The following FAT1 variants were observed in gnomAD, a reference collection of about 807,000 sequenced individuals.
FAT1 encodes the protein FAT atypical cadherin 1.
Under a neutral mutation model 329.8 loss-of-function variants are expected in FAT1, and 171 were observed. The ratio of observed to expected loss-of-function variants is 0.52; its 90% CI spans 0.46 to 0.59. The LOEUF is 0.59. Among genes scored for constraint, FAT1 ranks in the 20% least tolerant of loss-of-function variants. The pLI is 0.00. For missense variants in FAT1, 5,672 were observed against 5,774.4 expected (o/e 0.98, Z 0.57); for synonymous variants, 2,233 against 2,228.6 (o/e 1.00, Z -0.06).
intron 11 of FAT1, 124 bp from the exon 12 acceptor site, chr4:186,614,468 A>G: frequency 1.5e-6 from 1 of 667,156 alleles, no homozygotes; most frequent in Non-Finnish European, 2.3e-6. Context: ...GACTAAAGAT[A>G]AAATCCCAAG....
chr4:186,663,598 G>C lies in FAT1; in HGVS notation c.3281C>G (p.Ser1094Ter), dbSNP rs1421582682. 1 of 1,608,104 alleles carries C rather than the reference G, an allele frequency of 6.2e-7. No homozygotes were observed. Among genetic ancestry groups the C allele is most frequent in the Non-Finnish European group, 8.5e-7 (1 of 1,179,458 alleles). The change falls in exon 3 of 27, where the codon TCA (serine) becomes TGA (stop). Residue 1094 changes from serine (S) to a stop codon, truncating the protein, a stop_gained. Coordinates refer to ENST00000441802, the MANE Select transcript of FAT1 (RefSeq NM_005245.4). LOFTEE classifies it high-confidence loss of function. ...GGTCGATTCACGGTCCAGTCGATCTGACGTCTCTATGACACCTACAGAGAA... is the reference window on the plus strand; with the variant it reads ...GGTCGATTCACGGTCCAGTCGATCTCACGTCTCTATGACACCTACAGAGAA... ...IGEETGVIET[S>*]DRLDRESTSH...
rs2126390375 is a variant in FAT1, at chr4:186,596,810, C to T, written c.12730G>A (p.Asp4244Asn). ...DSKLNKNIYS[D>N]IPPQVPVRPI... ...CGGACAGGCACCTGGGGTGGTATGT[C>T]TGAGTAAATGTTCTTATTTAGCTTG... The change falls in exon 25 of 27, where the codon GAC becomes AAC. Residue 4244 changes from aspartate to asparagine, a missense_variant. This residue lies in a region of FAT1 where 1,706 missense variants were observed against 1,859.1 expected (regional missense o/e 0.92). Coordinates refer to ENST00000441802, the MANE Select transcript of FAT1 (RefSeq NM_005245.4). This position sits in a 1 kb window ranked among gnomAD's most constrained non-coding sequence, Gnocchi z 4.7. The T allele has an allele frequency of 6.2e-7, 1 of 1,613,942 alleles. No individual in the cohort carries two copies. The highest frequency in any genetic ancestry group is 1.1e-5 in the South Asian group (1 of 91,076).
chr4:186,689,831 G>A (rs1743666411), intron 2 of FAT1, among the ~76,000 whole-genome samples: 1 of 152,144 alleles, frequency 6.6e-6, no homozygotes, highest in African/African-American at 2.4e-5. Context: ...GGGCGATCAA[G>A]CCTTGCTTTG....
intron 7 of FAT1, among the ~76,000 whole-genome samples, chr4:186,631,674 C>G (rs1740601839): frequency 6.6e-6 from 1 of 150,906 alleles, no homozygotes; most frequent in Non-Finnish European, 1.5e-5. Flanking sequence ...CGCCGCCCAG[C>G]TGACTCCTCT....
intron 6 of FAT1, among the ~76,000 whole-genome samples, chr4:186,635,779 T>A (rs1740790997): frequency 6.6e-6 from 1 of 152,222 alleles, no homozygotes; most frequent in Non-Finnish European, 1.5e-5. Context: ...TTGACAAACT[T>A]TTACAAAATT....
At chr4:186,634,305 T>C (rs767737427) in intron 6 of FAT1, among the ~76,000 whole-genome samples, 1 of 152,104 alleles carries the variant, frequency 6.6e-6, no homozygotes, top group Non-Finnish European at 1.5e-5. Context: ...TACTATAAAC[T>C]ATTTGAAAAG....
rs1739753514 is a variant in FAT1 at position 186,617,162 on chromosome 4, T to C, written c.8918A>G (p.Gln2973Arg). Reference sequence around the variant, plus strand: ...CTTCACATATACCTTCCATTCATTCTGTATAGTTTCAACGGCAAACTGTCC... The same window carrying C: ...CTTCACATATACCTTCCATTCATTCCGTATAGTTTCAACGGCAAACTGTCC... Reference protein sequence around the residue: ...PLGQFAVETIQNEWKVYVKKP... With the variant: ...PLGQFAVETIRNEWKVYVKKP... The change falls in exon 11 of 27, where the codon CAG (glutamine) becomes CGG (arginine). Residue 2973 changes from glutamine (Q) to arginine (R), a missense_variant. Physicochemically the swap from Gln to Arg is conservative, Grantham distance 43. This residue lies in a region of FAT1 where 3,966 missense variants were observed against 3,915.2 expected (regional missense o/e 1.01). Coordinates refer to ENST00000441802, the MANE Select transcript of FAT1 (RefSeq NM_005245.4). 2 of 1,612,924 alleles carry C rather than the reference T, an allele frequency of 1.2e-6. No individual in the cohort carries two copies. Among genetic ancestry groups the C allele is most frequent in the African/African-American group, 1.3e-5 (1 of 74,928 alleles).
rs1877731 is a variant in FAT1, at chr4:186,707,244, C to G, written c.2584G>C (p.Val862Leu). 1,238,780 of 1,613,674 alleles carry G rather than the reference C, an allele frequency of 0.77. 478,295 individuals carry two copies. Among genetic ancestry groups the G allele is most frequent in the South Asian group, 0.8 (72,975 of 91,062 alleles). ...ATTGAAAATGTGTCTGTGTCTGTAA[C>G]AATTGAGTACGTCACGTGTCCGTTG... ...GPNGHVTYSIVTDTDTFSIDS... is the reference protein window; with the variant it reads ...GPNGHVTYSILTDTDTFSIDS... The change falls in exon 2 of 27, where the codon GTT (valine) becomes CTT (leucine). Residue 862 changes from valine to leucine, a missense_variant. Transcript: ENST00000441802.
In FAT1 at chr4:186,620,240, CT is replaced by C. The variant is rs1443159294; in HGVS notation, c.6345del (p.Val2116CysfsTer22). The C allele has an allele frequency of 6.2e-7, 1 of 1,614,030 alleles. No individual in the cohort carries two copies. The highest frequency in any genetic ancestry group is 8.5e-7 in the Non-Finnish European group (1 of 1,179,904). On this transcript the variant is annotated frameshift_variant, in exon 10 of 27. Coordinates refer to ENST00000441802, the MANE Select transcript of FAT1 (RefSeq NM_005245.4). LOFTEE classifies it high-confidence loss of function. ...TGATGTTCCTTGAGGTAGTAATGCACTTCCCCGTTTCTGCCACTGTCTCTGT... is the reference window on the plus strand; with the variant it reads ...TGATGTTCCTTGAGGTAGTAATGCACTCCCCGTTTCTGCCACTGTCTCTGT... ...AVDRDSGRNG[E>X]VHYYLKEHHE...
chr4:186,593,956 T>C lies in FAT1; in HGVS notation c.13138+1733A>G, dbSNP rs80218169. ...CAGTTTACAACTGATAATTACATTATGGTAATGAGTAAAATAAAAACACTC... is the reference window on the plus strand; with the variant it reads ...CAGTTTACAACTGATAATTACATTACGGTAATGAGTAAAATAAAAACACTC... On this transcript the variant is annotated intron_variant, in intron 26 of 26. Coordinates refer to ENST00000441802, the MANE Select transcript of FAT1 (RefSeq NM_005245.4). Among the ~76,000 whole-genome samples the C allele has an allele frequency of 3.6e-3, 549 of 152,310 alleles. 5 individuals carry two copies. The highest frequency in any genetic ancestry group is 0.012 in the African/African-American group (517 of 41,576).
At chr4:186,639,995 A>G (rs537996671) in intron 3 of FAT1, among the ~76,000 whole-genome samples, 5 of 152,118 alleles carry the variant, frequency 3.3e-5, no homozygotes, top group Non-Finnish European at 7.4e-5. Flanking sequence ...TTAGCCAGGC[A>G]TGGTGGCGCG....
At chr4:186,649,153 C>T (rs1304892997) in intron 3 of FAT1, among the ~76,000 whole-genome samples, 1 of 152,054 alleles carries the variant, frequency 6.6e-6, no homozygotes, top group East Asian at 1.9e-4. Context: ...CCTGAAGATT[C>T]CATCTGTTCT....
chr4:186,602,721 G>C (rs1560923496), intron 20 of FAT1, among the ~76,000 whole-genome samples, 182 bp downstream of exon 20: 2 of 152,154 alleles, frequency 1.3e-5, no homozygotes, highest in South Asian at 4.1e-4. Context: ...TATGAACCAA[G>C]GGGTGTGCTG....
rs779052617 is a variant in FAT1 at position 186,604,464 on chromosome 4, C to T, written c.10461G>A (p.Lys3487=). The change falls in exon 18 of 27, where the codon AAG becomes AAA. Residue 3487 remains lysine, a synonymous_variant. Coordinates refer to ENST00000441802, the MANE Select transcript of FAT1 (RefSeq NM_005245.4). ...FFTIVTGNDE[K]AFEVNPQGVL... ...CTCCTTGCGGGTTAACTTCAAAAGC[C>T]TTCTCATCATTTCCAGTTACAATAG... 6.2e-7 allele frequency: 1 copy of T among 1,613,934 alleles called. No individual in the cohort carries two copies. Among genetic ancestry groups the T allele is most frequent in the Non-Finnish European group, 8.5e-7 (1 of 1,179,850 alleles).
chr4:186,609,033 T>C (rs970072724), intron 16 of FAT1, 150 bp downstream of exon 16: 7 of 714,020 alleles, frequency 9.8e-6, no homozygotes, highest in Admixed American at 9.3e-5. Flanking sequence ...ATCTTCATAG[T>C]GTCATTGCTT....
rs2126513363 is a variant in FAT1 at position 186,620,201 on chromosome 4, T to C, written c.6385A>G (p.Ile2129Val). 3 of 1,614,030 alleles carry C rather than the reference T, an allele frequency of 1.9e-6. No individual in the cohort carries two copies. The highest frequency in any genetic ancestry group is 2.2e-5 in the South Asian group (2 of 91,084). Residue 2129 changes from isoleucine (I) to valine (V), a missense_variant, in exon 10 of 27, where the codon ATT becomes GTT. This residue lies in a region of FAT1 where 3,966 missense variants were observed against 3,915.2 expected (regional missense o/e 1.01). Transcript: ENST00000441802. ...YLKEHHEHFQ[I>V]GPLGEISLKK... ...AGTGAAATTTCACCCAAGGGTCCAATTTGAAAGTGTTCATGATGTTCCTTG... is the reference window on the plus strand; with the variant it reads ...AGTGAAATTTCACCCAAGGGTCCAACTTGAAAGTGTTCATGATGTTCCTTG...
At position 186,708,175 on chromosome 4, in the gene FAT1, G is replaced by C. The variant is rs371972801; in HGVS notation, c.1653C>G (p.Val551=). 1 of 1,613,986 alleles carries C rather than the reference G, an allele frequency of 6.2e-7. No homozygotes were observed. Residue 551 remains valine, a synonymous_variant, in exon 2 of 27, where the codon GTC becomes GTG. Transcript: ENST00000441802. ...TGAGAGTAATTGTAGCAAGGACTTC[G>C]ACTTCCCGGCGGTACGGCAAGCCCC... The part of the protein sequence containing the change: ...SDWGLPYRRE[V]EVLATITLNN...
intron 3 of FAT1, among the ~76,000 whole-genome samples, chr4:186,646,342 C>T (rs774211918): frequency 3.3e-5 from 5 of 152,128 alleles, no homozygotes; most frequent in African/African-American, 9.7e-5. Context: ...TTGGCCTTTC[C>T]GCCCTTTTAT....
In FAT1 at chr4:186,706,820, G is replaced by A. The variant is rs369363545; in HGVS notation, c.3008C>T (p.Ala1003Val). Residue 1003 changes from alanine to valine, a missense_variant, in exon 2 of 27, where the codon GCC becomes GTC. Physicochemically the swap from Ala to Val is moderately conservative, Grantham distance 64. Coordinates refer to ENST00000441802, the MANE Select transcript of FAT1 (RefSeq NM_005245.4). ...AGAAACTGGCTTTCCCTTGTCTTTG[G>A]CCCTCACAGTGAGATTATACACTTG... is the stretch of plus-strand genomic sequence containing the variant. ...KKQVYNLTVR[A>V]KDKGKPVSLS... 4.3e-6 allele frequency: 7 copies of A among 1,613,766 alleles called. No homozygotes were observed. The highest frequency in any genetic ancestry group is 1.3e-5 in the African/African-American group (1 of 74,896).
Sources: allele counts gnomAD v4.1 joint callset (sites outside exome capture counted in the v4.1 genomes callset), GRCh38; gene constraint gnomAD v4.1.1; regional missense constraint gnomAD v4.1.1; non-coding constraint Gnocchi (gnomAD v3.1); transcripts MANE v1.5; gene names NCBI Gene and HGNC (gene_info 2026-07-23, HGNC 2026-07-21).